Variants in RANBP2 observed in about 807,000 individuals in gnomAD.
The protein encoded by RANBP2 is RAN binding protein 2.
RANBP2 carries 57 observed loss-of-function variants against 303.6 expected under a neutral mutation model. That is an observed-to-expected ratio of 0.19 (90% CI 0.15 to 0.23). RANBP2 has a LOEUF of 0.23. RANBP2 is among the 10% of genes least tolerant of loss of function. RANBP2 has a pLI of 1.00. For synonymous variants in RANBP2, 1,167 were observed against 1,301.5 expected (o/e 0.90, Z 2.23); for missense variants, 3,138 against 3,780.8 (o/e 0.83, Z 4.46).
chr2:109,575,968 T>C, the RANBP2 span, among the ~76,000 whole-genome samples: 1 of 152,134 alleles, frequency 6.6e-6, no homozygotes, highest in African/African-American at 2.4e-5. Context: ...CCACCAGAAC[T>C]AGCATAGGCC....
chr2:109,591,834 G>A, the RANBP2 span, among the ~76,000 whole-genome samples: 1 of 152,102 alleles, frequency 6.6e-6, no homozygotes, highest in East Asian at 1.9e-4. Context: ...GGAGGTGTAG[G>A]TTGAGTGAGC....
the RANBP2 span, among the ~76,000 whole-genome samples, chr2:109,513,707 C>T: frequency 1.3e-5 from 2 of 152,194 alleles, no homozygotes; most frequent in Non-Finnish European, 2.9e-5. Context: ...AGGAGTGCCA[C>T]AAGGGAAGGA....
At chr2:108,809,320 A>G in the RANBP2 span, among the ~76,000 whole-genome samples, 1 of 152,132 alleles carries the variant, frequency 6.6e-6, no homozygotes, top group East Asian at 1.9e-4. Context: ...GATTTCATAC[A>G]CAGTTTAGAA....
At chr2:108,731,225 G>T in intron 3 of RANBP2, 97 bp from the exon 4 acceptor site, 1 of 1,504,992 alleles carries the variant, frequency 6.6e-7, no homozygotes, top group Middle Eastern at 2.4e-4. Flanking sequence ...TTAAGGGTTG[G>T]AGTGATAATT....
the RANBP2 span, among the ~76,000 whole-genome samples, chr2:109,108,729 C>T: frequency 3.3e-5 from 5 of 152,208 alleles, no homozygotes; most frequent in Admixed American, 1.3e-4. Flanking sequence ...GCACATAGGG[C>T]GAGAGTGCCC....
At chr2:109,483,927 C>T in the RANBP2 span, among the ~76,000 whole-genome samples, 2 of 152,172 alleles carry the variant, frequency 1.3e-5, no homozygotes, top group South Asian at 2.1e-4. Context: ...ACTGCATGGC[C>T]TTCAAGCCCC....
the RANBP2 span, among the ~76,000 whole-genome samples, chr2:109,012,017 T>A: frequency 2.6e-5 from 4 of 152,184 alleles, no homozygotes; most frequent in African/African-American, 7.2e-5. Flanking sequence ...CTTTCTTCTG[T>A]TTTTCGATTC....
the RANBP2 span, among the ~76,000 whole-genome samples, chr2:109,089,991 A>G: frequency 6.6e-6 from 1 of 152,160 alleles, no homozygotes. Context: ...TATTATTTGA[A>G]AAATAATTTT....
chr2:109,088,452 A>G, the RANBP2 span, among the ~76,000 whole-genome samples: 1 of 150,372 alleles, frequency 6.7e-6, no homozygotes, highest in Non-Finnish European at 1.5e-5. Context: ...GTATAGAGGT[A>G]GTTAAATTAA....
At chr2:109,650,864 T>G in the RANBP2 span, among the ~76,000 whole-genome samples, 1 of 151,994 alleles carries the variant, frequency 6.6e-6, no homozygotes, top group Non-Finnish European at 1.5e-5. Context: ...AATTACCCGG[T>G]CTTGGGTATG....
the RANBP2 span, among the ~76,000 whole-genome samples, chr2:108,792,783 G>A: frequency 6.6e-6 from 1 of 152,222 alleles, no homozygotes; most frequent in Admixed American, 6.5e-5. Context: ...ACTGAGCGTC[G>A]GCCAGGCGCG....
At chr2:108,795,934 G>T in the RANBP2 span, among the ~76,000 whole-genome samples, 2,322 of 152,242 alleles carry the variant, frequency 0.015, 67 homozygotes, top group African/African-American at 0.054. Flanking sequence ...GGATAAAAAA[G>T]AATAGGCAAG....
the RANBP2 span, among the ~76,000 whole-genome samples, chr2:109,520,729 G>A: frequency 7.2e-6 from 1 of 138,344 alleles, no homozygotes; most frequent in Non-Finnish European, 1.6e-5. Context: ...TCAGGAGTTC[G>A]AGACCAGCCT....
the RANBP2 span, among the ~76,000 whole-genome samples, chr2:109,463,692 T>G: frequency 6.6e-6 from 1 of 152,238 alleles, no homozygotes; most frequent in South Asian, 2.1e-4. Context: ...TTGTTTCCGC[T>G]GCAGTCAAGC....
At chr2:108,952,444 G>T in the RANBP2 span, among the ~76,000 whole-genome samples, 2 of 152,318 alleles carry the variant, frequency 1.3e-5, no homozygotes, top group East Asian at 3.9e-4. Flanking sequence ...GATTAGGAAG[G>T]TTCAATTGAT....
the RANBP2 span, among the ~76,000 whole-genome samples, chr2:108,951,695 G>T: frequency 6.6e-6 from 1 of 151,918 alleles, no homozygotes; most frequent in Non-Finnish European, 1.5e-5. Context: ...TAAAATGAGG[G>T]TCTTATACTA....
chr2:108,772,736 G>A, intron 22 of RANBP2, 132 bp from the exon 23 acceptor site: 1 of 1,212,702 alleles, frequency 8.2e-7, no homozygotes, highest in Non-Finnish European at 1.2e-6. Flanking sequence ...TCTTTTCTGG[G>A]TGGTCCTTGT....
chr2:109,187,009 GCTGGGCCTAGCC>G, the RANBP2 span, among the ~76,000 whole-genome samples: 1 of 149,764 alleles, frequency 6.7e-6, no homozygotes, highest in African/African-American at 2.4e-5. Context: ...CAGAGGCGGA[GCTGGGCCTAGCC>G]CTGGCACCCC....
At chr2:108,908,843 T>C in the RANBP2 span, among the ~76,000 whole-genome samples, 1 of 152,176 alleles carries the variant, frequency 6.6e-6, no homozygotes, top group Admixed American at 6.5e-5. Flanking sequence ...GTGAAGCCCA[T>C]ATGCAAACAC....
Sources: gnomAD v4.1 joint callset for allele counts (sites outside exome capture counted in the v4.1 genomes callset) on GRCh38, gnomAD v4.1.1 for gene constraint, MANE v1.5 for transcripts, NCBI Gene and HGNC (gene_info 2026-07-23, HGNC 2026-07-21) for gene names.